The following INTS9 variants were observed in gnomAD, a reference collection of about 807,000 sequenced individuals.
INTS9 encodes protein related to CPSF subunits of 74 kDa.
In INTS9, 55 loss-of-function variants were observed where a neutral mutation model predicts 79.7. That is an observed-to-expected ratio of 0.69 (90% CI 0.56 to 0.86). The LOEUF (loss-of-function observed/expected upper bound fraction) is 0.86, where lower values mean the gene tolerates loss of function less well. Among genes scored for constraint, INTS9 ranks in the 40% least tolerant of loss-of-function variants. INTS9 has a pLI of 0.00. For missense variants in INTS9, 721 were observed against 831.5 expected (o/e 0.87, Z 1.64); for synonymous variants, 319 against 325.2 (o/e 0.98, Z 0.20).
chr8:28,815,370 G>A (rs1279001216), intron 6 of INTS9, among the ~76,000 whole-genome samples: 3 of 152,062 alleles, frequency 2.0e-5, no homozygotes, highest in African/African-American at 7.2e-5. Flanking sequence ...TTATAAATGA[G>A]GTGACAAAAC....
chr8:28,845,456 A>G (rs1403998186), intron 4 of INTS9, among the ~76,000 whole-genome samples: 2 of 152,218 alleles, frequency 1.3e-5, no homozygotes, highest in African/African-American at 4.8e-5. Context: ...AAATATATCA[A>G]TAATCCTTTA....
At chr8:28,826,142 T>A (rs972613463) in intron 6 of INTS9, among the ~76,000 whole-genome samples, 4 of 152,238 alleles carry the variant, frequency 2.6e-5, no homozygotes, top group African/African-American at 9.6e-5. Flanking sequence ...TTGTTAAATA[T>A]GCCTTTTGTT....
chr8:28,790,640 TTAAC>T, intron 10 of INTS9, among the ~76,000 whole-genome samples: 1 of 152,304 alleles, frequency 6.6e-6, no homozygotes, highest in South Asian at 2.1e-4. Flanking sequence ...TTCTACTTCT[TTAAC>T]TATTTGTCTT....
intron 1 of INTS9, among the ~76,000 whole-genome samples, chr8:28,879,940 C>CT (rs1348077139): frequency 6.6e-6 from 1 of 151,884 alleles, no homozygotes; most frequent in Non-Finnish European, 1.5e-5. Flanking sequence ...TGGAAATGCG[C>CT]TAAATCTGGA....
rs143144533 is a variant in INTS9 at position 28,879,712 on chromosome 8, G to C, written c.9+10162C>G. Among the ~76,000 whole-genome samples the C allele has an allele frequency of 1.3e-3, 205 of 152,284 alleles. 2 individuals carry two copies. The East Asian group carries it at 0.034, about 25-fold the overall frequency. ...ATAAACAAAATGGAGAGTACCCATA[G>C]AGGAAAATATTATTCAGCAAGAAAA... On this transcript the variant is annotated intron_variant, in intron 1 of 16. Coordinates refer to ENST00000521022, the MANE Select transcript of INTS9 (RefSeq NM_018250.4).
intron 14 of INTS9, among the ~76,000 whole-genome samples, chr8:28,773,766 C>A (rs1366924659): frequency 1.1e-4 from 17 of 152,020 alleles, no homozygotes; most frequent in Non-Finnish European, 2.1e-4. Flanking sequence ...AAGTGATTCA[C>A]CCCCGCCTCA....
Position 28,796,652 on chromosome 8 carries a change from T to C in INTS9, c.748A>G (p.Met250Val), listed in dbSNP as rs762397337. 1.2e-6 allele frequency: 2 copies of C among 1,606,200 alleles called. No individual in the cohort carries two copies. The highest frequency in any genetic ancestry group is 1.7e-6 in the Non-Finnish European group (2 of 1,172,898). Residue 250 changes from methionine to valine, a missense_variant, in exon 9 of 17, where the codon ATG becomes GTG. By Grantham distance (21) the Met-to-Val change is conservative (BLOSUM62 1). Coordinates refer to ENST00000521022, the MANE Select transcript of INTS9 (RefSeq NM_018250.4). ...CTGTTTTTGAGAGAAGCTTGGTCCA[T>C]GGGCTGAAAAAGAACACAGAAATAT... ...SSLLTTHPQP[M>V]DQASLKNSDV...
chr8:28,851,195 G>A lies in INTS9; in HGVS notation c.138-922C>T, dbSNP rs138932010. Among the ~76,000 whole-genome samples, 423 of 152,130 alleles carry A rather than the reference G, an allele frequency of 2.8e-3. 4 individuals are homozygous for A. The highest frequency in any genetic ancestry group is 0.01 in the Middle Eastern group (3 of 294). ...AAAGTTAAGGGCAAAGTAAGGGTGCGGGACTAAAAGAATCAGAAACCAAGT... is the reference window on the plus strand; with the variant it reads ...AAAGTTAAGGGCAAAGTAAGGGTGCAGGACTAAAAGAATCAGAAACCAAGT... On this transcript the variant is annotated intron_variant, in intron 2 of 16. Transcript: ENST00000521022.
intron 16 of INTS9, 157 bp downstream of exon 16, chr8:28,769,732 G>A: frequency 1.1e-6 from 1 of 889,626 alleles, no homozygotes; most frequent in South Asian, 1.8e-5. Flanking sequence ...CTTTCTCCTG[G>A]GTCTCCCAGC....
At chr8:28,806,022 G>C (rs1159283122) in intron 8 of INTS9, among the ~76,000 whole-genome samples, 2 of 151,976 alleles carry the variant, frequency 1.3e-5, no homozygotes, top group Non-Finnish European at 2.9e-5. Flanking sequence ...TTGAGGCCAG[G>C]AGTTTGAGAC....
At position 28,840,341 on chromosome 8, in the gene INTS9, G is replaced by C. The variant is rs2131203786; in HGVS notation, c.262-2565C>G. Among the ~76,000 whole-genome samples the C allele has an allele frequency of 2.7e-5, 4 of 148,780 alleles. No homozygotes were observed. In the East Asian group the frequency reaches 6.0e-4, roughly 22 times the overall value. On this transcript the variant is annotated intron_variant, in intron 4 of 16. Coordinates refer to ENST00000521022, the MANE Select transcript of INTS9 (RefSeq NM_018250.4). Reference sequence around the variant, plus strand: ...AAATAGGAACACTTTTACACTGTTGGTGGGACTGTAAACTAGTTCAACCAT... The same window carrying C: ...AAATAGGAACACTTTTACACTGTTGCTGGGACTGTAAACTAGTTCAACCAT...
At chr8:28,808,710 C>A (rs188099847) in intron 8 of INTS9, among the ~76,000 whole-genome samples, 1 of 152,314 alleles carries the variant, frequency 6.6e-6, no homozygotes, top group African/African-American at 2.4e-5. Context: ...AACTTTTATT[C>A]TTTCTTTTCT....
chr8:28,862,640 A>G (rs1267206680), intron 1 of INTS9, among the ~76,000 whole-genome samples: 1 of 152,216 alleles, frequency 6.6e-6, no homozygotes, highest in Non-Finnish European at 1.5e-5. Flanking sequence ...GCTTTCCAAA[A>G]AGGACTGTAC....
intron 1 of INTS9, among the ~76,000 whole-genome samples, chr8:28,876,773 G>A (rs1367989942): frequency 6.6e-6 from 1 of 151,914 alleles, no homozygotes; most frequent in African/African-American, 2.4e-5. Context: ...ATTCAACAAG[G>A]GGCCTGTGTA....
At chr8:28,878,695 G>GAA (rs1809530442) in intron 1 of INTS9, among the ~76,000 whole-genome samples, 1 of 150,258 alleles carries the variant, frequency 6.7e-6, no homozygotes, top group Non-Finnish European at 1.5e-5. Context: ...AAAAAATGTT[G>GAA]GGCCAGGCGC....
At chr8:28,792,556 A>AC (rs1478480717) in intron 10 of INTS9, among the ~76,000 whole-genome samples, 2 of 151,850 alleles carry the variant, frequency 1.3e-5, no homozygotes, top group African/African-American at 2.4e-5. Context: ...CAAAAACAAA[A>AC]AAAAAAATTT....
intron 1 of INTS9, among the ~76,000 whole-genome samples, chr8:28,886,565 C>G (rs1810186994): frequency 6.6e-6 from 1 of 152,144 alleles, no homozygotes; most frequent in Non-Finnish European, 1.5e-5. Context: ...TTAATTGAAC[C>G]ACACTTGCAT....
intron 4 of INTS9, among the ~76,000 whole-genome samples, chr8:28,839,235 GAC>G (rs1807009385): frequency 3.3e-5 from 5 of 152,094 alleles, no homozygotes; most frequent in African/African-American, 1.2e-4. Context: ...ACTTACAAGG[GAC>G]AGGAAGGACC....
chr8:28,803,573 A>T (rs1236224495), intron 8 of INTS9, among the ~76,000 whole-genome samples: 1 of 152,214 alleles, frequency 6.6e-6, no homozygotes, highest in East Asian at 1.9e-4. Context: ...TAAATGTCCA[A>T]CAGTGGAAGA....
Sources: gnomAD v4.1 joint callset for allele counts (sites outside exome capture counted in the v4.1 genomes callset) on GRCh38, gnomAD v4.1.1 for gene constraint, MANE v1.5 for transcripts, NCBI Gene and HGNC (gene_info 2026-07-23, HGNC 2026-07-21) for gene names.